The following CSMD1 variants were observed in gnomAD, a reference collection of about 807,000 sequenced individuals.
The protein encoded by CSMD1 is CUB and sushi domain-containing protein 1.
CSMD1 carries 213 observed loss-of-function variants against 417.5 expected under a neutral mutation model. That is an observed-to-expected ratio of 0.51 (90% confidence interval 0.46 to 0.57). CSMD1 has a LOEUF of 0.57. Ranked by LOEUF, CSMD1 falls within the 20% of genes least tolerant of loss-of-function variation. The pLI is 0.00. For synonymous variants in CSMD1, 2,862 were observed against 1,736.8 expected (o/e 1.65, Z -16.11); for missense variants, 6,923 against 4,529.7 (o/e 1.53, Z -15.17).
intron 2 of CSMD1, among the ~76,000 whole-genome samples, chr8:4,470,489 G>A (rs1425781465): frequency 2.6e-5 from 4 of 152,162 alleles, no homozygotes; most frequent in Non-Finnish European, 5.9e-5. Context: ...TAACTGGAAG[G>A]ATAAGTGCAT....
chr8:3,542,734 G>T (rs933298192), intron 10 of CSMD1, among the ~76,000 whole-genome samples: 5 of 152,304 alleles, frequency 3.3e-5, no homozygotes, highest in African/African-American at 1.2e-4. Flanking sequence ...GTAGGTTGAG[G>T]TAAGAAGGAG....
chr8:4,322,371 G>A (rs935821296), intron 3 of CSMD1, among the ~76,000 whole-genome samples: 2 of 152,202 alleles, frequency 1.3e-5, no homozygotes, highest in African/African-American at 2.4e-5. Flanking sequence ...AGTGGAATTA[G>A]AATTCCCCCA....
chr8:3,474,251 T>C (rs901530781), intron 11 of CSMD1, among the ~76,000 whole-genome samples: 6 of 152,218 alleles, frequency 3.9e-5, no homozygotes, highest in African/African-American at 1.2e-4. Context: ...TGAATGAATA[T>C]AAATCGTCAA....
At chr8:3,276,404 G>A (rs142390647) in intron 26 of CSMD1, among the ~76,000 whole-genome samples, 33 of 152,272 alleles carry the variant, frequency 2.2e-4, no homozygotes, top group Middle Eastern at 3.4e-3. Flanking sequence ...GTTCCTATTC[G>A]TTCATCTTGG....
chr8:4,549,301 G>A (rs79817744), intron 2 of CSMD1, among the ~76,000 whole-genome samples: 5 of 152,146 alleles, frequency 3.3e-5, no homozygotes, highest in South Asian at 2.1e-4. Flanking sequence ...CTTGGAATGC[G>A]AGGGGAAGGA....
chr8:4,454,972 G>A (rs779944226), intron 2 of CSMD1, among the ~76,000 whole-genome samples: 4 of 152,102 alleles, frequency 2.6e-5, no homozygotes, highest in African/African-American at 9.7e-5. Context: ...CATGGACCTG[G>A]GATGGCAGAG....
At chr8:4,380,376 C>G (rs995725897) in intron 3 of CSMD1, among the ~76,000 whole-genome samples, 5 of 152,178 alleles carry the variant, frequency 3.3e-5, no homozygotes, top group African/African-American at 9.7e-5. Flanking sequence ...TCCCAAAAAT[C>G]TATAGCTCCA....
intron 3 of CSMD1, among the ~76,000 whole-genome samples, chr8:4,306,217 G>T (rs554127316): frequency 1.3e-5 from 2 of 152,282 alleles, no homozygotes; most frequent in South Asian, 4.1e-4. Context: ...CTTCAGAAAA[G>T]TTCTTCCAAA....
intron 11 of CSMD1, among the ~76,000 whole-genome samples, chr8:3,477,850 G>C (rs1449550030): frequency 1.3e-5 from 2 of 152,182 alleles, no homozygotes; most frequent in African/African-American, 4.8e-5. Context: ...GGTAGTTACA[G>C]ATTCCATGTT....
intron 5 of CSMD1, among the ~76,000 whole-genome samples, chr8:3,898,253 C>G (rs3107682): frequency 6.6e-6 from 1 of 152,088 alleles, no homozygotes; most frequent in Non-Finnish European, 1.5e-5. Context: ...TCAGATAAAA[C>G]TACTGCAAGA....
chr8:3,647,780 A>AAG (rs772606729), intron 7 of CSMD1, among the ~76,000 whole-genome samples: 1 of 152,138 alleles, frequency 6.6e-6, no homozygotes, highest in African/African-American at 2.4e-5. Flanking sequence ...GAGTGAGAGA[A>AAG]AGAGAGAGAG....
intron 12 of CSMD1, among the ~76,000 whole-genome samples, chr8:3,430,477 T>C (rs1354224356): frequency 6.6e-6 from 1 of 152,164 alleles, no homozygotes; most frequent in Non-Finnish European, 1.5e-5. Context: ...TAGATGATGG[T>C]TATGAAGTCC....
intron 2 of CSMD1, among the ~76,000 whole-genome samples, chr8:4,508,751 T>G (rs908976535): frequency 2.0e-5 from 3 of 152,164 alleles, no homozygotes; most frequent in Admixed American, 2.0e-4. Context: ...TGTAAAGATG[T>G]AAAACACTCA....
chr8:3,051,344 C>T (rs931340135), intron 50 of CSMD1, among the ~76,000 whole-genome samples: 1 of 152,164 alleles, frequency 6.6e-6, no homozygotes, highest in African/African-American at 2.4e-5. Context: ...AATGCAGGAA[C>T]AGAAAACCAA....
At chr8:3,819,924 G>A (rs189121682) in intron 5 of CSMD1, among the ~76,000 whole-genome samples, 14 of 152,226 alleles carry the variant, frequency 9.2e-5, no homozygotes, top group East Asian at 3.9e-4. Context: ...GACAAGACAC[G>A]CCACAGCTTC....
intron 3 of CSMD1, among the ~76,000 whole-genome samples, chr8:4,279,654 C>CT (rs1040161417): frequency 3.3e-5 from 5 of 152,178 alleles, no homozygotes; most frequent in African/African-American, 1.2e-4. Context: ...ATTCGAGTAT[C>CT]TTAACCCTGT....
intron 3 of CSMD1, among the ~76,000 whole-genome samples, chr8:4,035,131 G>A (rs898697590): frequency 6.6e-5 from 10 of 151,978 alleles, no homozygotes; most frequent in Non-Finnish European, 1.0e-4. Context: ...TCAATGATAC[G>A]ACTCATATAC....
At chr8:3,441,148 T>C (rs143176313) in intron 12 of CSMD1, among the ~76,000 whole-genome samples, 6 of 152,148 alleles carry the variant, frequency 3.9e-5, no homozygotes, top group East Asian at 1.9e-4. Context: ...CTGAGGAGCA[T>C]AGGAGACACT....
chr8:4,947,658 T>G (rs1692996307), intron 1 of CSMD1, among the ~76,000 whole-genome samples: 1 of 152,130 alleles, frequency 6.6e-6, no homozygotes, highest in Non-Finnish European at 1.5e-5. Flanking sequence ...CACTTACATT[T>G]TGGGTTGATC....
Sources: allele counts gnomAD v4.1 joint callset (sites outside exome capture counted in the v4.1 genomes callset), GRCh38; gene constraint gnomAD v4.1.1; transcripts MANE v1.5; gene names NCBI Gene and HGNC (gene_info 2026-07-23, HGNC 2026-07-21).